The following GBE1 variants were observed in gnomAD, a reference collection of about 807,000 sequenced individuals.
GBE1 encodes the protein 1,4-alpha-glucan-branching enzyme.
In GBE1, 70 loss-of-function variants were observed where a neutral mutation model predicts 88.8. That is an observed-to-expected ratio of 0.79 (90% CI 0.65 to 0.96). The LOEUF is 0.96. GBE1 is among the 40% of genes least tolerant of loss of function. The pLI is 0.00. For missense variants in GBE1, 872 were observed against 871.0 expected, an observed-to-expected ratio of 1.00 and a Z score of -0.01; for synonymous variants, 284 against 300.1, an observed-to-expected ratio of 0.95 and a Z score of 0.56.
chr3:81,730,631 C>A (rs1706173423), intron 1 of GBE1, among the ~76,000 whole-genome samples: 1 of 152,088 alleles, frequency 6.6e-6, no homozygotes, highest in South Asian at 2.1e-4. Flanking sequence ...ACAACAGAAG[C>A]CAGGAGGACT....
chr3:81,577,690 A>G (rs1703666679), intron 12 of GBE1, among the ~76,000 whole-genome samples: 1 of 152,208 alleles, frequency 6.6e-6, no homozygotes, highest in Non-Finnish European at 1.5e-5. Flanking sequence ...CCCGCTTGAC[A>G]GCAATATTCA....
Position 81,640,475 on chromosome 3 carries a change from C to T in GBE1, c.992+2306G>A, listed in dbSNP as rs539290257. On this transcript the variant is annotated intron_variant, in intron 7 of 15. Coordinates refer to ENST00000429644, the MANE Select transcript of GBE1 (RefSeq NM_000158.4). ...CACCACAGACTGAAGGCTGCACTAT[C>T]GGCTTCCCTACTTTTGAGGTTTGGG... 5.3e-5 allele frequency among the ~76,000 whole-genome samples: 8 copies of T among 152,154 alleles called. No homozygotes were observed. The South Asian group carries it at 1.7e-3, about 32-fold the overall frequency.
intron 12 of GBE1, among the ~76,000 whole-genome samples, chr3:81,549,464 G>C (rs1029416319): frequency 1.3e-5 from 2 of 151,574 alleles, no homozygotes; most frequent in Non-Finnish European, 3.0e-5. Flanking sequence ...TTAAGGAATT[G>C]AGCTTGACTT....
chr3:81,688,640 T>C (rs1331960694), intron 2 of GBE1, among the ~76,000 whole-genome samples: 5 of 152,124 alleles, frequency 3.3e-5, no homozygotes, highest in African/African-American at 1.2e-4. Context: ...TATAAATGAT[T>C]AAAATGCACA....
At chr3:81,645,879 C>G (rs537862870) in intron 6 of GBE1, among the ~76,000 whole-genome samples, 1 of 152,282 alleles carries the variant, frequency 6.6e-6, no homozygotes, top group African/African-American at 2.4e-5. Flanking sequence ...TGTTGGACTT[C>G]TTCGGTCTGT....
intron 7 of GBE1, among the ~76,000 whole-genome samples, chr3:81,628,030 AAAG>A (rs1460427031): frequency 2.0e-5 from 3 of 152,092 alleles, no homozygotes; most frequent in African/African-American, 7.2e-5. Flanking sequence ...TTAGTATTTT[AAAG>A]AAGAATATGA....
At chr3:81,680,477 A>T (rs1191757174) in intron 2 of GBE1, among the ~76,000 whole-genome samples, 1 of 148,234 alleles carries the variant, frequency 6.7e-6, no homozygotes, top group Non-Finnish European at 1.5e-5. Flanking sequence ...GCCTGGGGAC[A>T]GAGCGAGACT....
At chr3:81,729,696 G>C in intron 1 of GBE1, among the ~76,000 whole-genome samples, 1 of 152,122 alleles carries the variant, frequency 6.6e-6, no homozygotes, top group East Asian at 1.9e-4. Flanking sequence ...AACACTGATG[G>C]TCAATTCAGT....
At chr3:81,581,070 T>C in intron 11 of GBE1, 95 bp downstream of exon 11, 1 of 719,812 alleles carries the variant, frequency 1.4e-6, no homozygotes, top group Non-Finnish European at 2.4e-6. Flanking sequence ...GAGGTTTATA[T>C]TTCGATATGT....
chr3:81,655,535 T>TTGC (rs1704922355), intron 3 of GBE1, among the ~76,000 whole-genome samples: 1 of 152,064 alleles, frequency 6.6e-6, no homozygotes, highest in Admixed American at 6.6e-5. Context: ...GTTGTTGTTG[T>TTGC]TATGGAGTTT....
rs191217170 is a variant in GBE1, at chr3:81,589,746, T to C, written c.1236+1291A>G. 1.5e-3 allele frequency among the ~76,000 whole-genome samples: 222 copies of C among 152,196 alleles called. 2 individuals are homozygous for C. Among genetic ancestry groups the C allele is most frequent in the African/African-American group, 5.2e-3 (216 of 41,568 alleles). ...GTCATTAATTGTTTGTAGTAATTTG[T>C]CATTTGTAATATCTCTGCTTTGGAT... On this transcript the variant is annotated intron_variant, in intron 9 of 15. Coordinates refer to ENST00000429644, the MANE Select transcript of GBE1 (RefSeq NM_000158.4).
At chr3:81,649,379 C>T (rs1366937114) in intron 4 of GBE1, among the ~76,000 whole-genome samples, 2 of 151,982 alleles carry the variant, frequency 1.3e-5, no homozygotes, top group Non-Finnish European at 2.9e-5. Context: ...ACTAATATGG[C>T]GGTAAAAATT....
At chr3:81,617,505 G>A (rs1327584297) in intron 7 of GBE1, among the ~76,000 whole-genome samples, 1 of 151,498 alleles carries the variant, frequency 6.6e-6, no homozygotes, top group Non-Finnish European at 1.5e-5. Flanking sequence ...TTCTTCTTTA[G>A]CTTGTTACTG....
At chr3:81,655,507 T>TTTGTTA (rs1324642476) in intron 3 of GBE1, among the ~76,000 whole-genome samples, 213 of 144,472 alleles carry the variant, frequency 1.5e-3, no homozygotes, top group African/African-American at 5.5e-3. Context: ...AATGTGTGTT[T>TTTGTTA]TTGTTATTGT....
intron 14 of GBE1, among the ~76,000 whole-genome samples, chr3:81,507,503 G>A (rs1447245019): frequency 6.6e-6 from 1 of 152,046 alleles, no homozygotes; most frequent in African/African-American, 2.4e-5. Context: ...GGTGGAGCTT[G>A]CAGTGAGCCA....
Position 81,594,022 on chromosome 3 carries a change from A to C in GBE1, c.994T>G (p.Trp332Gly). The C allele has an allele frequency of 1.4e-6, 2 of 1,389,490 alleles. No individual in the cohort carries two copies. The highest frequency in any genetic ancestry group is 2.0e-6 in the Non-Finnish European group (2 of 996,468). 86.1% of individuals were successfully genotyped at this position (1,389,490 alleles called of 1,614,324 possible). Reference sequence around the variant, plus strand: ...GACAGAAGGAATCTTAAAATTTCCCAGCTAAAATATAAGAGAAATATGTAT... The same window carrying C: ...GACAGAAGGAATCTTAAAATTTCCCCGCTAAAATATAAGAGAAATATGTAT... Reference protein sequence around the residue: ...WDSRLFAYSSWEILRFLLSNI... With the variant: ...WDSRLFAYSSGEILRFLLSNI... Residue 332 changes from tryptophan (W) to glycine (G), a missense_variant and splice_region_variant, in exon 8 of 16, where the codon TGG becomes GGG. Coordinates refer to ENST00000429644, the MANE Select transcript of GBE1 (RefSeq NM_000158.4).
chr3:81,644,644 C>T (rs1232520405), intron 6 of GBE1, among the ~76,000 whole-genome samples: 1 of 152,096 alleles, frequency 6.6e-6, no homozygotes, highest in Non-Finnish European at 1.5e-5. Context: ...GCGACATGAT[C>T]TGACTTTAAT....
chr3:81,732,639 C>G (rs1706205355), intron 1 of GBE1, among the ~76,000 whole-genome samples: 1 of 152,132 alleles, frequency 6.6e-6, no homozygotes. Flanking sequence ...TTCTTACCAT[C>G]ACTCCTAAGA....
intron 7 of GBE1, among the ~76,000 whole-genome samples, chr3:81,594,267 A>G (rs556474947): frequency 6.6e-6 from 1 of 152,250 alleles, no homozygotes; most frequent in East Asian, 1.9e-4. Flanking sequence ...AAGAAAATTT[A>G]GGGAAAACAT....
Sources: gnomAD v4.1 joint callset for allele counts (sites outside exome capture counted in the v4.1 genomes callset) on GRCh38, gnomAD v4.1.1 for gene constraint, MANE v1.5 for transcripts, NCBI Gene and HGNC (gene_info 2026-07-23, HGNC 2026-07-21) for gene names.